FILIP1: variants seen among roughly 807,000 people sequenced by gnomAD.
FILIP1 encodes the protein filamin-A-interacting protein 1.
FILIP1 carries 61 observed loss-of-function variants against 102.1 expected under a neutral mutation model. The observed-to-expected ratio is 0.60, with a 90% CI of 0.49 to 0.74. The LOEUF is 0.74. FILIP1 is among the 30% of genes least tolerant of loss of function. FILIP1 has a pLI of 0.00. For missense variants in FILIP1, 1,314 were observed against 1,441.2 expected (o/e 0.91, Z 1.43); for synonymous variants, 491 against 526.9 (o/e 0.93, Z 0.93).
intron 2 of FILIP1, 89 bp from the exon 3 acceptor site, chr6:75,363,006 A>C: frequency 7.6e-7 from 1 of 1,312,308 alleles, no homozygotes. Context: ...TATTGAATAC[A>C]TCCCCATCTT....
Position 75,479,517 on chromosome 6 carries a change from C to T in FILIP1, c.-7+13897G>A, listed in dbSNP as rs780058251. On this transcript the variant is annotated intron_variant, in intron 1 of 5. Transcript: ENST00000237172. ...TTAAATAGTTTTTCACATATTTATT[C>T]CAAATTATTTATGTCATTTGTCAAT... Among the ~76,000 whole-genome samples, 48 of 151,856 alleles carry T rather than the reference C, an allele frequency of 3.2e-4. 1 individual carries two copies. Among genetic ancestry groups the T allele is most frequent in the Non-Finnish European group, 6.8e-4 (46 of 67,970 alleles).
At chr6:75,480,971 G>C (rs1266300121) in intron 1 of FILIP1, among the ~76,000 whole-genome samples, 1 of 152,212 alleles carries the variant, frequency 6.6e-6, no homozygotes, top group Non-Finnish European at 1.5e-5. Context: ...TAGACTTGTT[G>C]TAACAAATCA....
At chr6:75,373,491 G>C (rs1057229220) in intron 2 of FILIP1, among the ~76,000 whole-genome samples, 5 of 151,888 alleles carry the variant, frequency 3.3e-5, no homozygotes, top group African/African-American at 1.2e-4. Flanking sequence ...ATTTTTTAGA[G>C]ATGGAGCCTT....
At chr6:75,481,406 G>C (rs1779647250) in intron 1 of FILIP1, among the ~76,000 whole-genome samples, 1 of 152,134 alleles carries the variant, frequency 6.6e-6, no homozygotes, top group East Asian at 1.9e-4. Context: ...TAGTTGTTTT[G>C]ACATTGTATG....
Position 75,392,646 on chromosome 6 carries a change from C to G in FILIP1, c.276+22051G>C, listed in dbSNP as rs76730713. 7.3e-3 allele frequency among the ~76,000 whole-genome samples: 1,116 copies of G among 152,220 alleles called. 36 individuals are homozygous for G. The East Asian group carries it at 0.11, about 14-fold the overall frequency. On this transcript the variant is annotated intron_variant, in intron 2 of 5. Coordinates refer to ENST00000237172, the MANE Select transcript of FILIP1 (RefSeq NM_015687.5). ...ACAAAATCTTAGCACTTTCCCCCCA[C>G]CAGCACTGTTATTGCCTGATATGGT...
At chr6:75,321,788 G>A (rs1271955794) in intron 4 of FILIP1, among the ~76,000 whole-genome samples, 2 of 148,614 alleles carry the variant, frequency 1.3e-5, no homozygotes, top group African/African-American at 2.5e-5. Flanking sequence ...GCGACAGAGC[G>A]AGACTCCGTC....
intron 1 of FILIP1, chr6:75,455,443 G>A (rs1778795897): frequency 6.6e-6 from 1 of 152,160 alleles, no homozygotes; most frequent in East Asian, 1.9e-4. Flanking sequence ...AAACATCAGT[G>A]CTAGTTGGGA....
chr6:75,346,057 G>T lies in FILIP1; in HGVS notation c.629+7482C>A, dbSNP rs943168589. Reference sequence around the variant, plus strand: ...TTACCATTTTTATCTGTAGTAAAACGTGATCAGAACTGACATTTAGATTTA... The same window carrying T: ...TTACCATTTTTATCTGTAGTAAAACTTGATCAGAACTGACATTTAGATTTA... On this transcript the variant is annotated intron_variant, in intron 4 of 5. Transcript: ENST00000237172. Among the ~76,000 whole-genome samples the T allele has an allele frequency of 2.6e-5, 4 of 152,084 alleles. No homozygotes were observed. The East Asian group carries it at 5.8e-4, about 22-fold the overall frequency.
rs1773051493 is a variant in FILIP1 at position 75,308,265 on chromosome 6, A to G, written c.*426T>C. On this transcript the variant is annotated 3_prime_UTR_variant, in exon 6 of 6. Transcript: ENST00000237172. ...AGAGGCAAATGACAATAGTTAAAGT[A>G]TGTCTTATTTTGTAATAGGATTTTT... 1 of 990,380 alleles carries G rather than the reference A, an allele frequency of 1.0e-6. No individual in the cohort carries two copies. Among genetic ancestry groups the G allele is most frequent in the Non-Finnish European group, 1.2e-6 (1 of 831,650 alleles). 61.3% of individuals were successfully genotyped at this position (990,380 alleles called of 1,614,324 possible). A position where few individuals can be genotyped will look rare whatever the true frequency, so the allele number is the denominator to read the frequency against.
intron 2 of FILIP1, among the ~76,000 whole-genome samples, chr6:75,389,482 G>A (rs981153133): frequency 6.6e-6 from 1 of 152,176 alleles, no homozygotes; most frequent in African/African-American, 2.4e-5. Context: ...GTAGAATTCA[G>A]TTGTGAATCC....
chr6:75,348,641 T>A (rs1239852075), intron 4 of FILIP1, among the ~76,000 whole-genome samples: 2 of 152,256 alleles, frequency 1.3e-5, no homozygotes, highest in East Asian at 3.8e-4. Context: ...TTTTTACACT[T>A]ACAGGGTCTA....
At chr6:75,407,153 G>A (rs1776885879) in intron 2 of FILIP1, among the ~76,000 whole-genome samples, 1 of 152,134 alleles carries the variant, frequency 6.6e-6, no homozygotes, top group Admixed American at 6.6e-5. Flanking sequence ...CCAAAAGAAT[G>A]TGTTTATGAG....
chr6:75,327,888 C>T (rs1014314745), intron 4 of FILIP1, among the ~76,000 whole-genome samples: 6 of 151,966 alleles, frequency 3.9e-5, no homozygotes, highest in South Asian at 4.1e-4. Flanking sequence ...CCTCCACCCA[C>T]GAAAGATTCT....
chr6:75,372,024 C>A (rs953034540), intron 2 of FILIP1, among the ~76,000 whole-genome samples: 1 of 152,052 alleles, frequency 6.6e-6, no homozygotes, highest in African/African-American at 2.4e-5. Context: ...GAAAGCAACC[C>A]ATAAAATGGG....
intron 1 of FILIP1, among the ~76,000 whole-genome samples, chr6:75,476,756 C>T (rs115927424): frequency 0.015 from 2,216 of 152,256 alleles, 27 homozygotes; most frequent in South Asian, 0.063. Context: ...ACACCATGTT[C>T]TCCCTGTTTC....
intron 1 of FILIP1, among the ~76,000 whole-genome samples, chr6:75,433,535 G>C (rs542723936): frequency 5.3e-4 from 81 of 152,192 alleles, no homozygotes; most frequent in Middle Eastern, 3.4e-3. Flanking sequence ...ATTTTTTCTT[G>C]TAAATTTGTT....
At chr6:75,458,150 T>C (rs971767038) in intron 1 of FILIP1, 2 of 152,196 alleles carry the variant, frequency 1.3e-5, no homozygotes, top group Admixed American at 1.3e-4. Flanking sequence ...TGTCTTGTAT[T>C]TTATCTTTCA....
Position 75,314,966 on chromosome 6 carries a change from G to A in FILIP1, c.866C>T (p.Ser289Phe). 1 of 1,614,102 alleles carries A rather than the reference G, an allele frequency of 6.2e-7. No individual in the cohort carries two copies. Among genetic ancestry groups the A allele is most frequent in the Admixed American group, 1.7e-5 (1 of 60,014 alleles). ...EEKLKAITSK[S>F]KEDRQKLLKL... is the part of the protein sequence containing the mutation. ...GAGCAATTTCTGTCTGTCTTCTTTG[G>A]ATTTGGAAGTAATGGCTTTGAGCTT... Residue 289 changes from serine to phenylalanine, a missense_variant, in exon 5 of 6, where the codon TCC (serine) becomes TTC (phenylalanine). Ser to Phe is a radical substitution (Grantham distance 155, BLOSUM62 -2). Around this residue, in one of 3 missense-constraint regions of FILIP1, gnomAD observed 494 missense variants for 511.2 expected, o/e 0.97. Coordinates refer to ENST00000237172, the MANE Select transcript of FILIP1 (RefSeq NM_015687.5).
At chr6:75,330,397 C>A (rs1774034383) in intron 4 of FILIP1, among the ~76,000 whole-genome samples, 1 of 152,128 alleles carries the variant, frequency 6.6e-6, no homozygotes, top group Non-Finnish European at 1.5e-5. Context: ...AGCCCTCGTA[C>A]ACTTTTTTTC....
Sources: allele counts gnomAD v4.1 joint callset (sites outside exome capture counted in the v4.1 genomes callset), GRCh38; gene constraint gnomAD v4.1.1; regional missense constraint gnomAD v4.1.1; transcripts MANE v1.5; gene names NCBI Gene and HGNC (gene_info 2026-07-23, HGNC 2026-07-21).